The following SOX6 variants were observed in gnomAD, a reference collection of about 807,000 sequenced individuals.
SOX6 encodes transcription factor SOX-6.
In SOX6, 11 loss-of-function variants were observed where a neutral mutation model predicts 97.8. The ratio of observed to expected loss-of-function variants is 0.11; its 90% CI spans 0.07 to 0.19. SOX6 has a LOEUF of 0.19. SOX6 is among the 10% of genes least tolerant of loss of function. The pLI is 1.00. For missense variants in SOX6, 810 were observed against 1,039.5 expected (o/e 0.78, Z 3.04); for synonymous variants, 360 against 371.4 (o/e 0.97, Z 0.35).
intron 4 of SOX6, among the ~76,000 whole-genome samples, chr11:16,566,792 G>C (rs1298678091): frequency 1.3e-5 from 2 of 152,104 alleles, no homozygotes; most frequent in African/African-American, 4.8e-5. Flanking sequence ...AATTAAACAC[G>C]GGACTTTCAT....
At chr11:16,099,488 C>T (rs575644794) in intron 7 of SOX6, among the ~76,000 whole-genome samples, 1 of 151,784 alleles carries the variant, frequency 6.6e-6, no homozygotes, top group South Asian at 2.1e-4. Flanking sequence ...ACATGGACTG[C>T]CTCCTGGAAC....
At chr11:16,686,068 G>A (rs1348012271) in intron 3 of SOX6, among the ~76,000 whole-genome samples, 2 of 152,216 alleles carry the variant, frequency 1.3e-5, no homozygotes, top group East Asian at 1.9e-4. Context: ...AGGGCAGTGG[G>A]GTCCTGTGCC....
intron 1 of SOX6, chr11:16,402,756 AT>A: frequency 6.2e-7 from 1 of 1,608,546 alleles, no homozygotes; most frequent in Non-Finnish European, 8.5e-7. Flanking sequence ...GGCTAGAAAT[AT>A]TAGGAAAAAA....
chr11:16,608,984 A>T (rs954795811), intron 4 of SOX6, among the ~76,000 whole-genome samples: 3 of 152,218 alleles, frequency 2.0e-5, no homozygotes, highest in Non-Finnish European at 4.4e-5. Flanking sequence ...TATGTTAATA[A>T]AAGACCCCCA....
At chr11:16,433,542 T>G (rs185133137) in intron 1 of SOX6, among the ~76,000 whole-genome samples, 1 of 152,204 alleles carries the variant, frequency 6.6e-6, no homozygotes, top group Admixed American at 6.5e-5. Flanking sequence ...ACTTGCCACT[T>G]ATAGTTATAT....
chr11:16,285,912 T>C (rs1854722423), intron 3 of SOX6, among the ~76,000 whole-genome samples: 1 of 152,166 alleles, frequency 6.6e-6, no homozygotes, highest in Non-Finnish European at 1.5e-5. Context: ...ATACATTTGT[T>C]TGTATTTTCC....
At chr11:16,335,418 A>G (rs1856427365) in intron 2 of SOX6, among the ~76,000 whole-genome samples, 1 of 152,212 alleles carries the variant, frequency 6.6e-6, no homozygotes, top group Admixed American at 6.5e-5. Flanking sequence ...AAAGGTGTAC[A>G]TAAATCTTAC....
intron 4 of SOX6, among the ~76,000 whole-genome samples, chr11:16,565,982 G>A (rs1451988725): frequency 6.6e-6 from 1 of 151,854 alleles, no homozygotes; most frequent in African/African-American, 2.4e-5. Flanking sequence ...TGTAGTCCCA[G>A]CTACTCGAGA....
chr11:16,086,204 C>T (rs143307136), intron 9 of SOX6, among the ~76,000 whole-genome samples: 2 of 152,262 alleles, frequency 1.3e-5, no homozygotes, highest in African/African-American at 2.4e-5. Context: ...CATGCACTGC[C>T]CAGAGCTATT....
intron 4 of SOX6, among the ~76,000 whole-genome samples, chr11:16,483,289 C>T (rs968604960): frequency 1.3e-5 from 2 of 151,920 alleles, no homozygotes; most frequent in Non-Finnish European, 2.9e-5. Flanking sequence ...AAAGAAAGAA[C>T]AATACTTGTG....
chr11:16,721,978 T>G (rs972179473), intron 2 of SOX6, among the ~76,000 whole-genome samples: 10 of 151,836 alleles, frequency 6.6e-5, no homozygotes, highest in Non-Finnish European at 1.3e-4. Flanking sequence ...GGATAACTGG[T>G]TAGTCATATG....
At chr11:16,542,025 T>G (rs1327939822) in intron 4 of SOX6, among the ~76,000 whole-genome samples, 1 of 152,236 alleles carries the variant, frequency 6.6e-6, no homozygotes, top group East Asian at 1.9e-4. Context: ...GTATGTTTAT[T>G]GTGGCACTAT....
intron 7 of SOX6, among the ~76,000 whole-genome samples, chr11:16,102,826 G>A (rs910866323): frequency 7.2e-5 from 11 of 151,918 alleles, no homozygotes; most frequent in Admixed American, 3.9e-4. Flanking sequence ...CAAGCCACAC[G>A]TAGAATGAAT....
Position 16,026,842 on chromosome 11 carries a change from T to A in SOX6, c.1624-11792A>T, listed in dbSNP as rs577391928. Among the ~76,000 whole-genome samples, 21 of 152,028 alleles carry A rather than the reference T, an allele frequency of 1.4e-4. No individual in the cohort carries two copies. In the East Asian group the frequency reaches 4.1e-3, roughly 29 times the overall value. On this transcript the variant is annotated intron_variant, in intron 12 of 15. Transcript: ENST00000683767. ...TCATTTCATACAAACTAAAAAAAAA[T>A]TCTGAAATTGAAATTTTTAAAATGA...
chr11:16,583,579 G>GTA lies in SOX6; in HGVS notation n.609+28500_609+28501dup, dbSNP rs72420581. 1.2e-3 allele frequency among the ~76,000 whole-genome samples: 142 copies of GTA among 114,894 alleles called. 2 individuals are homozygous for GTA. The highest frequency in any genetic ancestry group is 4.1e-3 in the African/African-American group (127 of 30,860). The allele number at this position is 114,894 out of a possible 152,430, so 75.4% of individuals were successfully genotyped here. On this transcript the variant is annotated intron_variant and non_coding_transcript_variant, in intron 4 of 5. Coordinates refer to the SOX6 transcript ENST00000524520. Reference sequence around the variant, plus strand: ...TTATGGATGAATAATATTTCATTGTGTATATATATATATGTATATATGTGT... The same window carrying GTA: ...TTATGGATGAATAATATTTCATTGTGTATATATATATATATGTATATATGTGT...
intron 9 of SOX6, among the ~76,000 whole-genome samples, chr11:16,093,756 G>A (rs557129445): frequency 6.6e-6 from 1 of 151,896 alleles, no homozygotes; most frequent in Middle Eastern, 3.4e-3. Flanking sequence ...ATCAAAGGAG[G>A]GGAGAAGACC....
intron 1 of SOX6, among the ~76,000 whole-genome samples, chr11:16,363,712 CT>C (rs1368651475): frequency 6.6e-6 from 1 of 151,990 alleles, no homozygotes; most frequent in Non-Finnish European, 1.5e-5. Flanking sequence ...TGCATCTTTG[CT>C]TATCTGTGTA....
At chr11:16,365,817 T>C (rs1857343896) in intron 1 of SOX6, among the ~76,000 whole-genome samples, 2 of 152,308 alleles carry the variant, frequency 1.3e-5, no homozygotes, top group South Asian at 4.1e-4. Flanking sequence ...TTCATTTTGT[T>C]CTTTGGTTTC....
At chr11:16,183,794 A>G in intron 6 of SOX6, 92 bp downstream of exon 6, 1 of 1,141,634 alleles carries the variant, frequency 8.8e-7, no homozygotes. Flanking sequence ...TGCTGTTTAT[A>G]AGACAGGGGT....
Sources: gnomAD v4.1 joint callset for allele counts (sites outside exome capture counted in the v4.1 genomes callset) on GRCh38, gnomAD v4.1.1 for gene constraint, MANE v1.5 for transcripts, NCBI Gene and HGNC (gene_info 2026-07-23, HGNC 2026-07-21) for gene names.